The following NDUFS1 variants were observed in gnomAD, a reference collection of about 807,000 sequenced individuals.
NDUFS1 encodes NADH-ubiquinone oxidoreductase 75 kDa subunit, mitochondrial.
In NDUFS1, 61 loss-of-function variants were observed where a neutral mutation model predicts 84.4. The ratio of observed to expected loss-of-function variants is 0.72; its 90% CI spans 0.59 to 0.89. The LOEUF is 0.89. NDUFS1 is among the 40% of genes least tolerant of loss of function. The pLI, the probability that NDUFS1 is intolerant of heterozygous loss-of-function variation, is 0.00. For missense variants in NDUFS1, 891 were observed against 890.0 expected, an observed-to-expected ratio of 1.00 and a Z score of -0.01; for synonymous variants, 275 against 290.0, an observed-to-expected ratio of 0.95 and a Z score of 0.53.
intron 15 of NDUFS1, 141 bp from the exon 16 acceptor site, chr2:206,128,113 G>T: frequency 1.1e-6 from 1 of 889,928 alleles, no homozygotes; most frequent in African/African-American, 1.7e-5. Flanking sequence ...CAGTAGTGAA[G>T]TAATAAAAAT....
chr2:206,147,656 C>G lies in NDUFS1; in HGVS notation c.426G>C (p.Gln142His). 1 of 1,614,158 alleles carries G rather than the reference C, an allele frequency of 6.2e-7. No individual in the cohort carries two copies. Among genetic ancestry groups the G allele is most frequent in the South Asian group, 1.1e-5 (1 of 91,076 alleles). Residue 142 changes from glutamine to histidine, a missense_variant, in exon 7 of 19, where the codon CAG becomes CAC. Transcript: ENST00000233190. ...DQGGECDLQD[Q>H]SMMFGNDRSR... ...TCCTATCATTTCCAAACATCATGGA[C>G]TGGTCCTTAAGTAGATTATGAAAGA...
chr2:206,151,241 T>G (rs192902917), intron 3 of NDUFS1, among the ~76,000 whole-genome samples: 1 of 152,360 alleles, frequency 6.6e-6, no homozygotes, highest in East Asian at 1.9e-4. Flanking sequence ...CTGTATTTCA[T>G]GACTGGACCT....
Position 206,116,232 on chromosome 2 carries a change from C to CAA in NDUFS1, c.*7951_*7952dup. ...CCATCTTCATAACGAGATTTGTTTA[C>CAA]AAGTCCTGGATTTTCTGCAAGAGCT... is the stretch of plus-strand genomic sequence containing the variant. On this transcript the variant is annotated 3_prime_UTR_variant, in exon 19 of 19. Coordinates refer to ENST00000233190, the MANE Select transcript of NDUFS1 (RefSeq NM_005006.7). 1 of 1,269,814 alleles carries CAA rather than the reference C, an allele frequency of 7.9e-7. No homozygotes were observed. The highest frequency in any genetic ancestry group is 1.2e-5 in the South Asian group (1 of 84,044). 78.7% of individuals were successfully genotyped at this position (1,269,814 alleles called of 1,614,324 possible). A position where few individuals can be genotyped will look rare whatever the true frequency, so the allele number is the denominator to read the frequency against.
At chr2:206,151,910 G>A (rs1324117446) in intron 3 of NDUFS1, among the ~76,000 whole-genome samples, 1 of 152,090 alleles carries the variant, frequency 6.6e-6, no homozygotes, top group Non-Finnish European at 1.5e-5. Context: ...CTGTTGCCCA[G>A]GCTGGAGTGC....
intron 10 of NDUFS1, among the ~76,000 whole-genome samples, chr2:206,143,358 A>C (rs1041321949): frequency 8.5e-5 from 13 of 152,234 alleles, no homozygotes; most frequent in African/African-American, 3.1e-4. Flanking sequence ...TCAACTTAGA[A>C]GGAAGCTGTT....
intron 5 of NDUFS1, among the ~76,000 whole-genome samples, chr2:206,148,575 G>A (rs1559061574): frequency 6.6e-6 from 1 of 152,088 alleles, no homozygotes; most frequent in Non-Finnish European, 1.5e-5. Context: ...GATCACCTGA[G>A]GCCAGGAGTT....
Position 206,120,741 on chromosome 2 carries a change from G to A in NDUFS1, c.*3444C>T, listed in dbSNP as rs923493796. The A allele has an allele frequency of 2.0e-5, 3 of 152,222 alleles. No homozygotes were observed. The highest frequency in any genetic ancestry group is 4.4e-5 in the Non-Finnish European group (3 of 68,052). 9.4% of individuals were successfully genotyped at this position (152,222 alleles called of 1,614,324 possible). ...ATATTTAAAAGGGAAGCAGAGCGTA[G>A]AAGTTTGGAAAATTCACAGACTAGT... On this transcript the variant is annotated 3_prime_UTR_variant, in exon 19 of 19. Coordinates refer to ENST00000233190, the MANE Select transcript of NDUFS1 (RefSeq NM_005006.7).
At chr2:206,137,274 G>C (rs1275650084) in intron 13 of NDUFS1, among the ~76,000 whole-genome samples, 1 of 152,090 alleles carries the variant, frequency 6.6e-6, no homozygotes, top group Admixed American at 6.5e-5. Flanking sequence ...AGGAGTTGGA[G>C]ACCAGCCTGG....
chr2:206,142,492 G>A lies in NDUFS1; in HGVS notation c.1133+194C>T, dbSNP rs113010771. Among the ~76,000 whole-genome samples, 585 of 152,360 alleles carry A rather than the reference G, an allele frequency of 3.8e-3. 9 individuals carry two copies. The highest frequency in any genetic ancestry group is 0.013 in the African/African-American group (553 of 41,582). On this transcript the variant is annotated intron_variant, in intron 11 of 18. Transcript: ENST00000233190. Reference sequence around the variant, plus strand: ...GGCCTCCCAGAGTGCTGGGATTACAGGCGTGAGCCACTGTGCCTGAGATAC... The same window carrying A: ...GGCCTCCCAGAGTGCTGGGATTACAAGCGTGAGCCACTGTGCCTGAGATAC...
At chr2:206,149,699 A>T (rs1232513082) in intron 4 of NDUFS1, 119 bp downstream of exon 4, 4 of 737,226 alleles carry the variant, frequency 5.4e-6, no homozygotes. Context: ...TTAAATTTAT[A>T]GATAGAAGTA....
chr2:206,124,223 C>T lies in NDUFS1; in HGVS notation c.2146G>A (p.Glu716Lys). 6.2e-7 allele frequency: 1 copy of T among 1,613,650 alleles called. No individual in the cohort carries two copies. The highest frequency in any genetic ancestry group is 1.1e-5 in the South Asian group (1 of 91,074). ...TMAKCVKAVTEGAQAVEEPSI... is the reference protein window; with the variant it reads ...TMAKCVKAVTKGAQAVEEPSI... The stretch of plus-strand genomic sequence containing the variant: ...GGTTCCTCTACTGCCTGGGCACCCT[C>T]TGTGACAGCTTTGACACATTTGGCC... The change falls in exon 19 of 19, where the codon GAG becomes AAG. Residue 716 changes from glutamate (E) to lysine (K), a missense_variant. Physicochemically the swap from Glu to Lys is moderately conservative, Grantham distance 56. Transcript: ENST00000233190.
At chr2:206,134,656 A>C (rs1213022962) in intron 13 of NDUFS1, among the ~76,000 whole-genome samples, 1 of 152,132 alleles carries the variant, frequency 6.6e-6, no homozygotes, top group Non-Finnish European at 1.5e-5. Context: ...TACAGGATAC[A>C]AAACAAATGG....
At position 206,119,868 on chromosome 2, in the gene NDUFS1, G is replaced by C. The variant is rs1442605404; in HGVS notation, c.*4317C>G. On this transcript the variant is annotated 3_prime_UTR_variant, in exon 19 of 19. Coordinates refer to ENST00000233190, the MANE Select transcript of NDUFS1 (RefSeq NM_005006.7). ...CTTGTTATGTTGCTGATATGGTTTG[G>C]ATGGCTGTCACTTCCAAATCTCATG... 6.6e-6 allele frequency: 1 copy of C among 151,868 alleles called. No individual in the cohort carries two copies. The highest frequency in any genetic ancestry group is 1.9e-4 in the East Asian group (1 of 5,176). 9.4% of individuals were successfully genotyped at this position (151,868 alleles called of 1,614,324 possible). A position where few individuals can be genotyped will look rare whatever the true frequency, so the allele number is the denominator to read the frequency against.
chr2:206,137,882 TTTC>T (rs1245974260), intron 13 of NDUFS1, among the ~76,000 whole-genome samples: 21 of 151,954 alleles, frequency 1.4e-4, no homozygotes, highest in African/African-American at 4.8e-4. Context: ...TTTACTTTGA[TTTC>T]TTTTCAGATA....
intron 11 of NDUFS1, among the ~76,000 whole-genome samples, chr2:206,142,375 G>A (rs113327501): frequency 7.8e-4 from 118 of 152,164 alleles, no homozygotes; most frequent in African/African-American, 2.7e-3. Context: ...ACCACGTCTG[G>A]CTAATTTTTT....
At chr2:206,138,333 G>A (rs954258095) in intron 13 of NDUFS1, 152 bp downstream of exon 13, 23 of 719,264 alleles carry the variant, frequency 3.2e-5, no homozygotes, top group African/African-American at 1.6e-4. Flanking sequence ...CACCTGCCTC[G>A]GACTCCCAAA....
intron 16 of NDUFS1, chr2:206,127,442 C>T (rs1016498893): frequency 9.2e-6 from 2 of 218,456 alleles, no homozygotes; most frequent in East Asian, 1.2e-4. Flanking sequence ...AGCTTGCGCC[C>T]GGGAGGTGGA....
chr2:206,133,535 G>A (rs530992284), intron 13 of NDUFS1, among the ~76,000 whole-genome samples: 1 of 152,260 alleles, frequency 6.6e-6, no homozygotes, highest in South Asian at 2.1e-4. Context: ...AGGAGGCAGG[G>A]AAAGCAATGA....
chr2:206,144,520 C>T (rs766402490), intron 9 of NDUFS1, among the ~76,000 whole-genome samples: 10 of 152,112 alleles, frequency 6.6e-5, no homozygotes, highest in Non-Finnish European at 1.0e-4. Context: ...TGTGCAAACT[C>T]TTCTATTCAG....
Sources: gnomAD v4.1 joint callset for allele counts (sites outside exome capture counted in the v4.1 genomes callset) on GRCh38, gnomAD v4.1.1 for gene constraint, MANE v1.5 for transcripts, NCBI Gene and HGNC (gene_info 2026-07-23, HGNC 2026-07-21) for gene names.